Variants in INVS observed in about 807,000 individuals in gnomAD.
INVS encodes inversion of embryo turning homolog.
A neutral mutation model predicts 108.8 loss-of-function variants in INVS; 86 were observed. The ratio of observed to expected loss-of-function variants is 0.79; its 90% CI spans 0.66 to 0.95. INVS has a LOEUF of 0.95. INVS is among the 40% of genes least tolerant of loss of function. The pLI is 0.00. For missense variants in INVS, 1,169 were observed against 1,297.4 expected (o/e 0.90, Z 1.52); for synonymous variants, 455 against 473.5 (o/e 0.96, Z 0.51).
At chr9:100,159,281 A>G (rs1588048721) in intron 3 of INVS, among the ~76,000 whole-genome samples, 1 of 152,228 alleles carries the variant, frequency 6.6e-6, no homozygotes. Flanking sequence ...TGAAGGAGAG[A>G]GAATTTGAAC....
chr9:100,218,559 A>G (rs902927803), intron 3 of INVS, among the ~76,000 whole-genome samples: 4 of 152,310 alleles, frequency 2.6e-5, no homozygotes, highest in Middle Eastern at 3.4e-3. Context: ...TCAGCTGCCA[A>G]TTATCTATAA....
chr9:100,135,120 AT>A (rs1828181025), intron 3 of INVS, among the ~76,000 whole-genome samples: 1 of 152,204 alleles, frequency 6.6e-6, no homozygotes, highest in Admixed American at 6.5e-5. Flanking sequence ...TATGCTTAAG[AT>A]TTATGCACTT....
chr9:100,281,708 C>T (rs985909189), intron 12 of INVS, among the ~76,000 whole-genome samples: 2 of 152,138 alleles, frequency 1.3e-5, no homozygotes, highest in Non-Finnish European at 1.5e-5. Context: ...ATTCTGCTTA[C>T]GTAGTTCTAC....
chr9:100,238,871 C>T (rs1359793333), intron 5 of INVS, among the ~76,000 whole-genome samples: 1 of 152,162 alleles, frequency 6.6e-6, no homozygotes, highest in Non-Finnish European at 1.5e-5. Flanking sequence ...ATTGTGAACT[C>T]ACTAATAAAC....
chr9:100,261,010 C>T (rs1832603520), intron 10 of INVS, among the ~76,000 whole-genome samples: 1 of 152,188 alleles, frequency 6.6e-6, no homozygotes, highest in African/African-American at 2.4e-5. Context: ...TTAATCTTTA[C>T]TTTCCCCAGT....
At chr9:100,148,825 A>G (rs992238501) in intron 3 of INVS, among the ~76,000 whole-genome samples, 3 of 152,218 alleles carry the variant, frequency 2.0e-5, no homozygotes, top group Non-Finnish European at 2.9e-5. Context: ...CATCCATGTC[A>G]AGAAAAGTCA....
intron 12 of INVS, among the ~76,000 whole-genome samples, chr9:100,276,107 T>C (rs1356216607): frequency 6.6e-6 from 1 of 152,220 alleles, no homozygotes; most frequent in African/African-American, 2.4e-5. Context: ...AGGCAAACTT[T>C]TTAGACTTCT....
chr9:100,250,194 A>T (rs921637233), intron 8 of INVS, among the ~76,000 whole-genome samples: 56 of 152,306 alleles, frequency 3.7e-4, no homozygotes, highest in African/African-American at 1.2e-3. Flanking sequence ...TTAATTTTTT[A>T]AAAATATAAC....
chr9:100,181,371 C>T (rs773635482), intron 3 of INVS, among the ~76,000 whole-genome samples: 5 of 152,116 alleles, frequency 3.3e-5, no homozygotes, highest in Non-Finnish European at 5.9e-5. Context: ...TAGAAAATCC[C>T]ATCATCTCAA....
At chr9:100,170,276 G>A (rs568230947) in intron 3 of INVS, among the ~76,000 whole-genome samples, 1 of 151,798 alleles carries the variant, frequency 6.6e-6, no homozygotes, top group Non-Finnish European at 1.5e-5. Flanking sequence ...GGTAAGGTCA[G>A]CCAAACACAA....
chr9:100,149,592 A>G (rs1052793332), intron 3 of INVS, among the ~76,000 whole-genome samples: 1 of 152,214 alleles, frequency 6.6e-6, no homozygotes, highest in African/African-American at 2.4e-5. Context: ...GCTTTCAGAT[A>G]TTTAGGATCT....
chr9:100,141,945 G>C (rs1184272120), intron 3 of INVS, among the ~76,000 whole-genome samples: 1 of 152,192 alleles, frequency 6.6e-6, no homozygotes, highest in African/African-American at 2.4e-5. Context: ...TCTGTGGGAA[G>C]AGATTGATAG....
At chr9:100,251,740 G>A (rs1832244827) in intron 8 of INVS, among the ~76,000 whole-genome samples, 1 of 152,130 alleles carries the variant, frequency 6.6e-6, no homozygotes, top group Non-Finnish European at 1.5e-5. Context: ...AGCTGATATT[G>A]TATTAAAAAT....
At chr9:100,139,651 T>G (rs940056252) in intron 3 of INVS, among the ~76,000 whole-genome samples, 1 of 152,176 alleles carries the variant, frequency 6.6e-6, no homozygotes, top group Non-Finnish European at 1.5e-5. Flanking sequence ...TAACCCTTTT[T>G]TTGTGGGGGG....
At chr9:100,210,085 G>C (rs1433346319) in intron 3 of INVS, among the ~76,000 whole-genome samples, 1 of 152,134 alleles carries the variant, frequency 6.6e-6, no homozygotes, top group Non-Finnish European at 1.5e-5. Flanking sequence ...AGCTTCTACT[G>C]ACCCCTCAAG....
At position 100,302,105 on chromosome 9, in the gene INVS, A is replaced by T; in HGVS notation, c.*1431A>T. On this transcript the variant is annotated 3_prime_UTR_variant, in exon 17 of 17. Transcript: ENST00000262457. ...AAACTTCTTTAAAAGTTCAGCTTTA[A>T]TGACAAAGATCTATTACATCAGTCT... 1 of 782,282 alleles carries T rather than the reference A, an allele frequency of 1.3e-6. No individual in the cohort carries two copies. Among genetic ancestry groups the T allele is most frequent in the Non-Finnish European group, 2.0e-6 (1 of 505,960 alleles). 48.5% of individuals were successfully genotyped at this position (782,282 alleles called of 1,614,324 possible). A position where few individuals can be genotyped will look rare whatever the true frequency, so the allele number is the denominator to read the frequency against.
chr9:100,293,112 T>C (rs1833679436), intron 14 of INVS, 69 bp downstream of exon 14: 1 of 1,449,834 alleles, frequency 6.9e-7, no homozygotes, highest in Non-Finnish European at 9.7e-7. Flanking sequence ...ACATCTGTGC[T>C]CTTTGATGTT....
At position 100,252,425 on chromosome 9, in the gene INVS, G is replaced by C; in HGVS notation, c.1221G>C (p.Gln407His). The C allele has an allele frequency of 1.2e-6, 2 of 1,613,914 alleles. No homozygotes were observed. The highest frequency in any genetic ancestry group is 1.7e-6 in the Non-Finnish European group (2 of 1,179,824). Residue 407 changes from glutamine (Q) to histidine (H), a missense_variant, in exon 9 of 17, where the codon CAG (glutamine) becomes CAC (histidine). By Grantham distance (24) the Gln-to-His change is conservative. Coordinates refer to ENST00000262457, the MANE Select transcript of INVS (RefSeq NM_014425.5). Reference protein sequence around the residue: ...ACEMGHKDVIQTLIKGGARVD... With the variant: ...ACEMGHKDVIHTLIKGGARVD... ...AGATGGGACACAAAGATGTGATTCA[G>C]ACACTCATTAAAGGTGGGCTAATAA...
In INVS at chr9:100,299,555, A is replaced by AACACACACACACACACACAC. The variant is rs55800849; in HGVS notation, c.3092-997_3092-978dup. Among the ~76,000 whole-genome samples the AACACACACACACACACACAC allele has an allele frequency of 3.5e-3, 434 of 125,688 alleles. 3 individuals carry two copies. The highest frequency in any genetic ancestry group is 6.3e-3 in the African/African-American group (213 of 33,582). The allele number at this position is 125,688 out of a possible 152,430, so 82.5% of individuals were successfully genotyped here. On this transcript the variant is annotated intron_variant, in intron 16 of 16. Transcript: ENST00000262457. ...TCAGCAGAGCCTTTTATTGACACAC[A>AACACACACACACACACACAC]ACACACACACACACACACACACACA...
Sources: allele counts gnomAD v4.1 joint callset (sites outside exome capture counted in the v4.1 genomes callset), GRCh38; gene constraint gnomAD v4.1.1; transcripts MANE v1.5; gene names NCBI Gene and HGNC (gene_info 2026-07-23, HGNC 2026-07-21).